The following CBLB variants were observed in gnomAD, a reference collection of about 807,000 sequenced individuals.
The protein encoded by CBLB is E3 ubiquitin-protein ligase CBL-B.
CBLB carries 31 observed loss-of-function variants against 104.9 expected under a neutral mutation model. The observed-to-expected ratio is 0.30, with a 90% CI of 0.22 to 0.40. The LOEUF (loss-of-function observed/expected upper bound fraction) is 0.40. CBLB is among the 10% of genes least tolerant of loss of function. The pLI is 1.00. For missense variants in CBLB, 1,062 were observed against 1,214.6 expected (o/e 0.87, Z 1.87); for synonymous variants, 440 against 422.6 (o/e 1.04, Z -0.51).
At chr3:105,754,761 T>C (rs2076929338) in intron 4 of CBLB, among the ~76,000 whole-genome samples, 1 of 152,160 alleles carries the variant, frequency 6.6e-6, no homozygotes, top group African/African-American at 2.4e-5. Flanking sequence ...AATAATAATA[T>C]AATTTCAGGA....
chr3:105,736,729 G>A (rs571443405), intron 8 of CBLB, among the ~76,000 whole-genome samples: 1 of 152,158 alleles, frequency 6.6e-6, no homozygotes, highest in South Asian at 2.1e-4. Flanking sequence ...TCACTCTCAA[G>A]AAAGGTTTTA....
At chr3:105,866,292 A>G (rs1276978118) in intron 2 of CBLB, among the ~76,000 whole-genome samples, 1 of 152,238 alleles carries the variant, frequency 6.6e-6, no homozygotes. Context: ...TGTTGCTACT[A>G]CTACTGATAG....
At chr3:105,781,213 T>G (rs1577133909) in intron 3 of CBLB, among the ~76,000 whole-genome samples, 1 of 152,154 alleles carries the variant, frequency 6.6e-6, no homozygotes, top group Admixed American at 6.5e-5. Flanking sequence ...ATATCATATT[T>G]CTTTAAAATG....
chr3:105,831,862 T>C (rs573400267), intron 3 of CBLB, among the ~76,000 whole-genome samples: 1 of 151,814 alleles, frequency 6.6e-6, no homozygotes, highest in Admixed American at 6.6e-5. Context: ...GAAGTTTAAA[T>C]GTTATTCAAG....
intron 3 of CBLB, among the ~76,000 whole-genome samples, chr3:105,848,594 C>T (rs530203182): frequency 1.3e-5 from 2 of 152,062 alleles, no homozygotes; most frequent in East Asian, 1.9e-4. Flanking sequence ...TATAACAATC[C>T]GCATTTATTG....
At chr3:105,723,231 T>C (rs1157988120) in intron 9 of CBLB, among the ~76,000 whole-genome samples, 1 of 152,160 alleles carries the variant, frequency 6.6e-6, no homozygotes, top group Non-Finnish European at 1.5e-5. Context: ...ATGTCTTCAA[T>C]ACAATAATTA....
chr3:105,797,859 T>C (rs1285234784), intron 3 of CBLB, among the ~76,000 whole-genome samples: 4 of 152,188 alleles, frequency 2.6e-5, no homozygotes, highest in Admixed American at 2.6e-4. Flanking sequence ...CCCATCAAAG[T>C]AGAAAGGAGA....
At chr3:105,721,689 C>A (rs149210068) in intron 9 of CBLB, among the ~76,000 whole-genome samples, 2 of 152,214 alleles carry the variant, frequency 1.3e-5, no homozygotes, top group Non-Finnish European at 2.9e-5. Flanking sequence ...CTTCAAAACA[C>A]ATTAAATATT....
intron 3 of CBLB, among the ~76,000 whole-genome samples, chr3:105,834,094 G>A (rs956252664): frequency 1.3e-5 from 2 of 151,300 alleles, no homozygotes; most frequent in African/African-American, 4.9e-5. Flanking sequence ...GGGTGGGGGT[G>A]GGCAGTTGAG....
chr3:105,846,011 A>G (rs2090196447), intron 3 of CBLB, among the ~76,000 whole-genome samples: 1 of 152,094 alleles, frequency 6.6e-6, no homozygotes, highest in South Asian at 2.1e-4. Flanking sequence ...TCTGAATCCA[A>G]GATAAAAATT....
intron 17 of CBLB, chr3:105,672,230 C>T (rs1365536413): frequency 5.4e-6 from 1 of 185,652 alleles, no homozygotes; most frequent in African/African-American, 2.3e-5. Context: ...ACTTCAGAGC[C>T]ATACATAGAC....
At chr3:105,724,271 G>T (rs1436901025) in intron 9 of CBLB, 1 of 157,930 alleles carries the variant, frequency 6.3e-6, no homozygotes, top group Non-Finnish European at 1.4e-5. Flanking sequence ...GAGATCTTTG[G>T]TTCTGGTTTA....
chr3:105,746,814 C>T lies in CBLB; in HGVS notation c.724-776G>A, dbSNP rs189876162. ...AAGCTACATAAGGGCAAGGGACATG[C>T]CTGTCTTGCTCACCCATGGGATGCC... On this transcript the variant is annotated intron_variant, in intron 5 of 18. Coordinates refer to ENST00000394030, the MANE Select transcript of CBLB (RefSeq NM_170662.5). Among the ~76,000 whole-genome samples, 303 of 152,304 alleles carry T rather than the reference C, an allele frequency of 2.0e-3. 2 individuals are homozygous for T. Among genetic ancestry groups the T allele is most frequent in the African/African-American group, 7.1e-3 (294 of 41,554 alleles).
intron 3 of CBLB, among the ~76,000 whole-genome samples, chr3:105,829,095 C>A (rs930888131): frequency 3.3e-5 from 5 of 150,292 alleles, no homozygotes; most frequent in South Asian, 2.1e-4. Flanking sequence ...TTTTTTTAAT[C>A]CCCTGTCCTC....
intron 9 of CBLB, among the ~76,000 whole-genome samples, chr3:105,724,340 G>A (rs554795581): frequency 8.9e-4 from 136 of 152,164 alleles, no homozygotes; most frequent in African/African-American, 3.1e-3. Context: ...TTTTGATTTG[G>A]GATGCCCATA....
chr3:105,860,664 T>C (rs773112745), intron 2 of CBLB, among the ~76,000 whole-genome samples: 9 of 152,218 alleles, frequency 5.9e-5, no homozygotes, highest in Non-Finnish European at 1.2e-4. Flanking sequence ...CTCCCTTCCA[T>C]ATTTTACATT....
chr3:105,761,463 G>C (rs1002614858), intron 4 of CBLB, among the ~76,000 whole-genome samples: 1 of 152,210 alleles, frequency 6.6e-6, no homozygotes, highest in Admixed American at 6.5e-5. Context: ...CATGGGGGCA[G>C]TTTCCGACAT....
At position 105,702,274 on chromosome 3, in the gene CBLB, C is replaced by A. The variant is rs2152780494; in HGVS notation, c.1779G>T (p.Trp593Cys). 6.2e-7 allele frequency: 1 copy of A among 1,613,936 alleles called. No homozygotes were observed. The highest frequency in any genetic ancestry group is 2.2e-5 in the East Asian group (1 of 44,856). The change falls in exon 12 of 19, where the codon TGG becomes TGT. Residue 593 changes from tryptophan (W) to cysteine (C), a missense_variant. Physicochemically the swap from Trp to Cys is radical, Grantham distance 215 (BLOSUM62 -2). Around this residue, in one of 2 missense-constraint regions of CBLB, gnomAD observed 605 missense variants for 582.6 expected, o/e 1.04. Transcript: ENST00000394030. The part of the protein sequence containing the change: ...SRDPPMPLEA[W>C]CPRDVFGTNQ... ...TAGTCCCAAACACATCCCGAGGGCA[C>A]CATGCTTCAAGAGGCATTGGCGGGT...
upstream of CBLB, chr3:105,869,024 G>C: frequency 1.8e-6 from 2 of 1,097,570 alleles, no homozygotes; most frequent in Non-Finnish European, 2.2e-6. Context: ...CCCCACCCCT[G>C]TGGCACACAC....
Sources: gnomAD v4.1 joint callset for allele counts (sites outside exome capture counted in the v4.1 genomes callset) on GRCh38, gnomAD v4.1.1 for gene constraint, gnomAD v4.1.1 regional missense constraint, MANE v1.5 for transcripts, NCBI Gene and HGNC (gene_info 2026-07-23, HGNC 2026-07-21) for gene names.